Variants in HPR observed in about 807,000 individuals in gnomAD.
The protein encoded by HPR is Haptoglobin-related locus.
HPR carries 17 observed loss-of-function variants against 18.5 expected under a neutral mutation model. The observed-to-expected ratio is 0.92, with a 90% CI of 0.63 to 1.38. HPR has a LOEUF of 1.38. HPR is among the 40% of genes most tolerant of loss of function. The probability of loss-of-function intolerance (pLI) is 0.00; values close to 1 mark genes in which losing one functional copy is unlikely to be tolerated. For synonymous variants in HPR, 176 were observed against 165.0 expected (o/e 1.07, Z -0.51); for missense variants, 457 against 432.4 (o/e 1.06, Z -0.51).
chr16:72,064,119 CTG>C (rs2041572824), intron 1 of HPR, among the ~76,000 whole-genome samples: 1 of 152,156 alleles, frequency 6.6e-6, no homozygotes, highest in Non-Finnish European at 1.5e-5. Flanking sequence ...CAGATGGCGC[CTG>C]TGTGTCAATG....
At chr16:72,067,943 G>A (rs1410285262) in intron 1 of HPR, among the ~76,000 whole-genome samples, 1 of 152,128 alleles carries the variant, frequency 6.6e-6, no homozygotes, top group African/African-American at 2.4e-5. Context: ...GATGCTTTTT[G>A]GGCATGTCCC....
rs1272116433 is a variant in HPR, at chr16:72,073,874, CTTG to C, written c.6-15_6-13del. On this transcript the variant is annotated splice_polypyrimidine_tract_variant and intron_variant, in intron 1 of 4. Coordinates refer to ENST00000540303, the MANE Select transcript of HPR (RefSeq NM_020995.4). ...CAGGGAGACCAGCTTTCCGCTCCTT[CTTG>C]TTTTCTCTCTGCAGTGACCTGGGAG... 3.7e-6 allele frequency: 6 copies of C among 1,613,858 alleles called. No individual in the cohort carries two copies. Among genetic ancestry groups the C allele is most frequent in the Admixed American group, 3.3e-5 (2 of 60,004 alleles).
In HPR at chr16:72,076,430, G is replaced by A. The variant is rs746582404; in HGVS notation, c.396G>A (p.Thr132=). Reference sequence around the variant, plus strand: ...ACCATAATCTCACCACAGGGGCCACGCTGATCAATGAACAATGGCTGCTGA... The same window carrying A: ...ACCATAATCTCACCACAGGGGCCACACTGATCAATGAACAATGGCTGCTGA... The part of the protein sequence containing the change: ...VSHHNLTTGA[T]LINEQWLLTT... The change falls in exon 5 of 5, where the codon ACG becomes ACA. Residue 132 remains threonine, a synonymous_variant. Coordinates refer to ENST00000540303, the MANE Select transcript of HPR (RefSeq NM_020995.4). The A allele has an allele frequency of 9.3e-6, 15 of 1,614,042 alleles. No homozygotes were observed. Among genetic ancestry groups the A allele is most frequent in the African/African-American group, 1.3e-5 (1 of 74,922 alleles).
At chr16:72,066,354 GA>G (rs1567587820) in intron 1 of HPR, among the ~76,000 whole-genome samples, 1 of 152,092 alleles carries the variant, frequency 6.6e-6, no homozygotes, top group Non-Finnish European at 1.5e-5. Flanking sequence ...TTCAGGGGAG[GA>G]AAGAAGCATG....
chr16:72,076,924 C>G lies in HPR; in HGVS notation c.890C>G (p.Ala297Gly), dbSNP rs368733337. 6.2e-7 allele frequency: 1 copy of G among 1,614,092 alleles called. No individual in the cohort carries two copies. Among genetic ancestry groups the G allele is most frequent in the Non-Finnish European group, 8.5e-7 (1 of 1,180,052 alleles). Residue 297 changes from alanine to glycine, a missense_variant, in exon 5 of 5, where the codon GCG (alanine) becomes GGG (glycine). Physicochemically the swap from Ala to Gly is moderately conservative, Grantham distance 60 (BLOSUM62 0). Transcript: ENST00000540303. ...KYQEDTCYGD[A>G]GSAFAVHDLE... is the part of the protein sequence containing the mutation. Reference sequence around the variant, plus strand: ...CAGGAAGACACCTGCTATGGCGATGCGGGCAGTGCCTTTGCCGTTCACGAC... The same window carrying G: ...CAGGAAGACACCTGCTATGGCGATGGGGGCAGTGCCTTTGCCGTTCACGAC...
rs373853317 is a variant in HPR at position 72,076,505 on chromosome 16, A to T, written c.471A>T (p.Lys157Asn). The change falls in exon 5 of 5, where the codon AAA (lysine) becomes AAT (asparagine). Residue 157 changes from lysine (K) to asparagine (N), a missense_variant. By Grantham distance (94) the Lys-to-Asn change is moderately conservative. Transcript: ENST00000540303. Reference protein sequence around the residue: ...FLNHSENATAKDIAPTLTLYV... With the variant: ...FLNHSENATANDIAPTLTLYV... ...ACCATTCAGAAAATGCAACAGCGAA[A>T]GACATTGCCCCTACTTTAACACTCT... is the stretch of plus-strand genomic sequence containing the variant. 5.0e-5 allele frequency: 81 copies of T among 1,614,166 alleles called. 2 individuals carry two copies. Among genetic ancestry groups the T allele is most frequent in the Admixed American group, 2.7e-4 (16 of 60,020 alleles).
At chr16:72,065,275 G>A (rs2041585871) in intron 1 of HPR, among the ~76,000 whole-genome samples, 1 of 152,110 alleles carries the variant, frequency 6.6e-6, no homozygotes, top group Non-Finnish European at 1.5e-5. Flanking sequence ...CCTCCAGGAG[G>A]TGGGGCTAAA....
At chr16:72,074,255 T>C (rs1271255324) in intron 2 of HPR, 29 bp from the exon 3 acceptor site, 29 of 1,595,580 alleles carry the variant, frequency 1.8e-5, no homozygotes, top group Non-Finnish European at 2.5e-5. Flanking sequence ...TTCCAAATGG[T>C]AAACTCTCTG....
At chr16:72,071,001 C>T (rs2041649412) in intron 1 of HPR, among the ~76,000 whole-genome samples, 1 of 152,084 alleles carries the variant, frequency 6.6e-6, no homozygotes, top group South Asian at 2.1e-4. Context: ...TTATAGCTAA[C>T]CCCCAAACAA....
chr16:72,074,062 G>C, intron 2 of HPR, 85 bp downstream of exon 2: 2 of 1,558,432 alleles, frequency 1.3e-6, no homozygotes, highest in East Asian at 2.3e-5. Context: ...TTCTTTCTTT[G>C]AGAACACACA....
Position 72,076,614 on chromosome 16 carries a change from C to G in HPR, c.580C>G (p.Leu194Val). 6.2e-7 allele frequency: 1 copy of G among 1,614,182 alleles called. No individual in the cohort carries two copies. Among genetic ancestry groups the G allele is most frequent in the Non-Finnish European group, 8.5e-7 (1 of 1,180,022 alleles). ...CCAGGTAGATATTGGGCTCATCAAACTCAAACAGAAGGTGCTTGTTAATGA... is the reference window on the plus strand; with the variant it reads ...CCAGGTAGATATTGGGCTCATCAAAGTCAAACAGAAGGTGCTTGTTAATGA... ...YHQVDIGLIK[L>V]KQKVLVNERV... Residue 194 changes from leucine to valine, a missense_variant, in exon 5 of 5, where the codon CTC becomes GTC. Transcript: ENST00000540303.
chr16:72,074,205 C>A, intron 2 of HPR, 79 bp from the exon 3 acceptor site: 1 of 1,343,918 alleles, frequency 7.4e-7, no homozygotes, highest in Non-Finnish European at 1.1e-6. Context: ...TGCAGAGCAG[C>A]TTCCACTCAT....
At chr16:72,066,366 A>G (rs917974526) in intron 1 of HPR, among the ~76,000 whole-genome samples, 1 of 152,166 alleles carries the variant, frequency 6.6e-6, no homozygotes, top group African/African-American at 2.4e-5. Context: ...AAGAAGCATG[A>G]TCCGTAGGGC....
chr16:72,076,759 T>C lies in HPR; in HGVS notation c.725T>C (p.Met242Thr), dbSNP rs2041732723. ...FKLTDHLKYVMLPVADQYDCI... is the reference protein window; with the variant it reads ...FKLTDHLKYVTLPVADQYDCI... ...CTTACTGACCATCTGAAGTATGTCA[T>C]GCTGCCTGTGGCTGACCAATACGAT... The change falls in exon 5 of 5, where the codon ATG becomes ACG. Residue 242 changes from methionine to threonine, a missense_variant. Met to Thr is a moderately conservative substitution (Grantham distance 81, BLOSUM62 -1). Coordinates refer to ENST00000540303, the MANE Select transcript of HPR (RefSeq NM_020995.4). 2 of 1,614,234 alleles carry C rather than the reference T, an allele frequency of 1.2e-6. No individual in the cohort carries two copies. Among genetic ancestry groups the C allele is most frequent in the Non-Finnish European group, 8.5e-7 (1 of 1,180,046 alleles).
chr16:72,072,694 G>T (rs1333503181), intron 1 of HPR, among the ~76,000 whole-genome samples: 2 of 152,050 alleles, frequency 1.3e-5, no homozygotes, highest in Non-Finnish European at 2.9e-5. Context: ...TGTGCCCTAG[G>T]ATTAATACAA....
rs141124534 is a variant in HPR, at chr16:72,075,490, A to C, written c.268+271A>C. 7.7e-3 allele frequency among the ~76,000 whole-genome samples: 1,166 copies of C among 152,306 alleles called. 62 individuals are homozygous for C. The highest frequency in any genetic ancestry group is 0.072 in the Admixed American group (1,096 of 15,284). ...ATCAGGAGAGCCTGTGCATACAGAG[A>C]GCCTGCTAGAGAGCCCTGGGTCTAA... On this transcript the variant is annotated intron_variant, in intron 4 of 4. Transcript: ENST00000540303.
Position 72,074,042 on chromosome 16 carries a change from C to T in HPR, c.91+65C>T, listed in dbSNP as rs145219636. ...CTGCCACATCCCACTCTGACTCTCT[C>T]GGGTCTGCATTCTTTCTTTGAGAAC... is the stretch of plus-strand genomic sequence containing the variant. On this transcript the variant is annotated intron_variant, in intron 2 of 4. Transcript: ENST00000540303. 2,300 of 1,596,458 alleles carry T rather than the reference C, an allele frequency of 1.4e-3. 38 individuals are homozygous for T. The African/African-American group carries it at 0.028, about 19-fold the overall frequency.
chr16:72,076,453 T>C lies in HPR; in HGVS notation c.419T>C (p.Leu140Pro), dbSNP rs2144079257. Reference sequence around the variant, plus strand: ...ACGCTGATCAATGAACAATGGCTGCTGACCACGGCTAAAAATCTCTTCCTG... The same window carrying C: ...ACGCTGATCAATGAACAATGGCTGCCGACCACGGCTAAAAATCTCTTCCTG... ...GATLINEQWL[L>P]TTAKNLFLNH... Residue 140 changes from leucine (L) to proline (P), a missense_variant, in exon 5 of 5, where the codon CTG (leucine) becomes CCG (proline). Leu to Pro is a moderately conservative substitution (Grantham distance 98). Coordinates refer to ENST00000540303, the MANE Select transcript of HPR (RefSeq NM_020995.4). 6.2e-7 allele frequency: 1 copy of C among 1,614,192 alleles called. No homozygotes were observed. Among genetic ancestry groups the C allele is most frequent in the Non-Finnish European group, 8.5e-7 (1 of 1,180,032 alleles).
At position 72,069,321 on chromosome 16, in the gene HPR, G is replaced by A. The variant is rs1171691505; in HGVS notation, c.6-4571G>A. ...TCAGTTGCCAGAAGAAATAGCTATTGTCCGTGTACCCGGGCACCAGAAAAG... is the reference window on the plus strand; with the variant it reads ...TCAGTTGCCAGAAGAAATAGCTATTATCCGTGTACCCGGGCACCAGAAAAG... On this transcript the variant is annotated intron_variant, in intron 1 of 4. Coordinates refer to ENST00000540303, the MANE Select transcript of HPR (RefSeq NM_020995.4). Among the ~76,000 whole-genome samples the A allele has an allele frequency of 6.6e-5, 10 of 152,234 alleles. No individual in the cohort carries two copies. In the East Asian group the frequency reaches 1.9e-3, roughly 29 times the overall value.
Sources: allele counts gnomAD v4.1 joint callset (sites outside exome capture counted in the v4.1 genomes callset), GRCh38; gene constraint gnomAD v4.1.1; transcripts MANE v1.5; gene names NCBI Gene and HGNC (gene_info 2026-07-23, HGNC 2026-07-21).